The following BCAR3 variants were observed in gnomAD, a reference collection of about 807,000 sequenced individuals.
BCAR3 encodes the protein breast cancer anti-estrogen resistance protein 3.
In BCAR3, 37 loss-of-function variants were observed where a neutral mutation model predicts 80.1. That is an observed-to-expected ratio of 0.46 (90% confidence interval 0.36 to 0.61). BCAR3 has a LOEUF of 0.61. Ranked by LOEUF, BCAR3 falls within the 20% of genes least tolerant of loss-of-function variation. The pLI is 0.00. For synonymous variants in BCAR3, 389 were observed against 418.9 expected, an observed-to-expected ratio of 0.93 and a Z score of 0.87; for missense variants, 978 against 1,068.2, an observed-to-expected ratio of 0.92 and a Z score of 1.18.
chr1:93,753,490 C>T (rs1241466385), intron 2 of BCAR3: 4 of 151,990 alleles, frequency 2.6e-5, no homozygotes, highest in Middle Eastern at 3.4e-3. Context: ...TGCAGAATTT[C>T]ATCTGCTTTA....
intron 2 of BCAR3, among the ~76,000 whole-genome samples, chr1:93,752,552 A>G (rs771403221): frequency 3.9e-4 from 59 of 152,368 alleles, no homozygotes; most frequent in Middle Eastern, 3.4e-3. Context: ...AAGGTTTGAA[A>G]TAGGAGTGCA....
chr1:93,587,707 A>C (rs1557847207), intron 5 of BCAR3, among the ~76,000 whole-genome samples: 1 of 151,418 alleles, frequency 6.6e-6, no homozygotes, highest in Non-Finnish European at 1.5e-5. Context: ...CCGCCAAAAA[A>C]AAAAACCAGT....
intron 8 of BCAR3, among the ~76,000 whole-genome samples, chr1:93,575,643 C>T (rs1239469338): frequency 6.6e-6 from 1 of 152,210 alleles, no homozygotes; most frequent in Non-Finnish European, 1.5e-5. Context: ...AAAGGGGCAG[C>T]TTGCTGGGCA....
At chr1:93,802,344 A>T (rs1415454435) in intron 2 of BCAR3, among the ~76,000 whole-genome samples, 1 of 151,880 alleles carries the variant, frequency 6.6e-6, no homozygotes, top group African/African-American at 2.4e-5. Context: ...TGTTTAGTGG[A>T]TCTTTCCAGT....
At chr1:93,756,562 T>C (rs1473105546) in intron 2 of BCAR3, among the ~76,000 whole-genome samples, 1 of 152,254 alleles carries the variant, frequency 6.6e-6, no homozygotes, top group Non-Finnish European at 1.5e-5. Context: ...GGGGAAAAGC[T>C]GATAAAGCAA....
chr1:93,563,200 C>T (rs926252062), intron 11 of BCAR3, among the ~76,000 whole-genome samples: 1 of 152,208 alleles, frequency 6.6e-6, no homozygotes, highest in Non-Finnish European at 1.5e-5. Context: ...TACCTCTTTG[C>T]AGTCAATTCC....
intron 2 of BCAR3, among the ~76,000 whole-genome samples, chr1:93,729,980 A>G (rs906312330): frequency 6.6e-6 from 1 of 152,256 alleles, no homozygotes; most frequent in Non-Finnish European, 1.5e-5. Context: ...TAAATCTATT[A>G]TCAAACACTA....
chr1:93,597,043 A>C (rs935687319), intron 3 of BCAR3, among the ~76,000 whole-genome samples: 1 of 152,208 alleles, frequency 6.6e-6, no homozygotes, highest in Non-Finnish European at 1.5e-5. Flanking sequence ...GGCAGGGCTC[A>C]TATCTTGTGC....
At chr1:93,687,873 A>G (rs1356169080) in intron 3 of BCAR3, among the ~76,000 whole-genome samples, 1 of 152,246 alleles carries the variant, frequency 6.6e-6, no homozygotes, top group Non-Finnish European at 1.5e-5. Flanking sequence ...CCCTAACAGT[A>G]ACAGGTAAGG....
intron 2 of BCAR3, among the ~76,000 whole-genome samples, chr1:93,733,875 G>T (rs1297035827): frequency 6.6e-6 from 1 of 152,200 alleles, no homozygotes; most frequent in African/African-American, 2.4e-5. Context: ...GGCCAGATAG[G>T]CATAGTAGAC....
chr1:93,562,271 T>G lies in BCAR3; in HGVS notation c.2448A>C (p.Glu816Asp), dbSNP rs769751257. The change falls in exon 12 of 12, where the codon GAA becomes GAC. Residue 816 changes from glutamate to aspartate, a missense_variant. Glu to Asp is a conservative substitution (Grantham distance 45, BLOSUM62 2). Transcript: ENST00000260502. ...GCTCTGCCTGCTTTACAGGAGGAGG[T>G]TCCAATTTACGCGAGAGGGCAGTTA... is the stretch of plus-strand genomic sequence containing the variant. Reference protein sequence around the residue: ...QILTALSRKLEPPPVKQAEL With the variant: ...QILTALSRKLDPPPVKQAEL The G allele has an allele frequency of 6.2e-7, 1 of 1,613,536 alleles. No individual in the cohort carries two copies. The highest frequency in any genetic ancestry group is 1.7e-5 in the Admixed American group (1 of 59,978).
intron 2 of BCAR3, among the ~76,000 whole-genome samples, chr1:93,787,220 T>C (rs1029633981): frequency 6.6e-6 from 1 of 152,160 alleles, no homozygotes; most frequent in African/African-American, 2.4e-5. Flanking sequence ...AATGACTGGA[T>C]ATAGTGGGCT....
At chr1:93,622,111 G>A (rs1570979150) in intron 3 of BCAR3, among the ~76,000 whole-genome samples, 2 of 152,128 alleles carry the variant, frequency 1.3e-5, no homozygotes, top group African/African-American at 2.4e-5. Flanking sequence ...ATATTGGCCA[G>A]GCTGGCCTTG....
chr1:93,568,406 C>T (rs1409818140), intron 9 of BCAR3, among the ~76,000 whole-genome samples: 3 of 152,106 alleles, frequency 2.0e-5, no homozygotes, highest in East Asian at 3.9e-4. Context: ...GGCCTGCTGG[C>T]CAGTCCACTG....
intron 2 of BCAR3, among the ~76,000 whole-genome samples, chr1:93,783,070 T>C (rs1385662473): frequency 6.6e-6 from 1 of 152,184 alleles, no homozygotes; most frequent in African/African-American, 2.4e-5. Context: ...TATCAGAGGA[T>C]GTGGAGCCTC....
intron 2 of BCAR3, among the ~76,000 whole-genome samples, chr1:93,729,784 G>C (rs982793933): frequency 6.6e-6 from 1 of 152,224 alleles, no homozygotes; most frequent in African/African-American, 2.4e-5. Flanking sequence ...CACCACTCCA[G>C]CATCTGGGGA....
At position 93,589,286 on chromosome 1, in the gene BCAR3, C is replaced by T. The variant is rs142078116; in HGVS notation, c.620G>A (p.Arg207Gln). 1.8e-4 allele frequency: 297 copies of T among 1,614,038 alleles called. No homozygotes were observed. The highest frequency in any genetic ancestry group is 3.3e-4 in the Middle Eastern group (2 of 6,084). The change falls in exon 5 of 12, where the codon CGA (arginine) becomes CAA (glutamine). Residue 207 changes from arginine to glutamine, a missense_variant. Transcript: ENST00000260502. ...QHFKINRTVL[R>Q]LSEAYSRVQY... ...CACGCGGCTGTAGGCCTCGCTGAGT[C>T]GCAGAACTGTCCGGTTGATTTTGAA...
chr1:93,587,694 C>G (rs933302613), intron 5 of BCAR3, among the ~76,000 whole-genome samples: 25 of 148,800 alleles, frequency 1.7e-4, no homozygotes, highest in African/African-American at 6.5e-4. Context: ...CTCATGGACC[C>G]CCCCGCCAAA....
intron 2 of BCAR3, among the ~76,000 whole-genome samples, chr1:93,716,358 C>G (rs200886900): frequency 6.6e-6 from 1 of 152,142 alleles, no homozygotes; most frequent in African/African-American, 2.4e-5. Flanking sequence ...CTGAAGTCAG[C>G]GGAACTGGGT....
Sources: allele counts gnomAD v4.1 joint callset (sites outside exome capture counted in the v4.1 genomes callset), GRCh38; gene constraint gnomAD v4.1.1; transcripts MANE v1.5; gene names NCBI Gene and HGNC (gene_info 2026-07-23, HGNC 2026-07-21).